Variants in RBFOX1 observed in about 807,000 individuals in gnomAD.
RBFOX1 encodes RNA binding protein fox-1 homolog 1.
A neutral mutation model predicts 57.7 loss-of-function variants in RBFOX1; 8 were observed. The ratio of observed to expected loss-of-function variants is 0.14; its 90% CI spans 0.08 to 0.25. The LOEUF (loss-of-function observed/expected upper bound fraction) is 0.25. Ranked by LOEUF, RBFOX1 falls within the 10% of genes least tolerant of loss-of-function variation. RBFOX1 has a pLI of 1.00. For missense variants in RBFOX1, 611 were observed against 548.5 expected (o/e 1.11, Z -1.14); for synonymous variants, 326 against 222.4 (o/e 1.47, Z -4.15).
intron 2 of RBFOX1, among the ~76,000 whole-genome samples, chr16:5,562,156 C>G (rs1284052607): frequency 6.6e-6 from 1 of 152,144 alleles, no homozygotes; most frequent in African/African-American, 2.4e-5. Flanking sequence ...TCTCATCATT[C>G]AGGAAAAAGA....
chr16:7,315,921 T>C (rs966042451), intron 4 of RBFOX1, among the ~76,000 whole-genome samples: 47 of 152,292 alleles, frequency 3.1e-4, no homozygotes, highest in South Asian at 6.2e-4. Context: ...CAATCTATTT[T>C]TCAAACCCCA....
intron 2 of RBFOX1, among the ~76,000 whole-genome samples, chr16:6,504,054 C>G (rs1371478978): frequency 6.6e-6 from 1 of 152,128 alleles, no homozygotes; most frequent in Non-Finnish European, 1.5e-5. Flanking sequence ...GTTTCAGCAC[C>G]ACTGATAATT....
At chr16:7,280,987 CCCT>C (rs2095532246) in intron 4 of RBFOX1, among the ~76,000 whole-genome samples, 1 of 120,380 alleles carries the variant, frequency 8.3e-6, no homozygotes, top group Admixed American at 8.5e-5. Context: ...CTCCCTCCCT[CCCT>C]CCTTCCTTCC....
intron 4 of RBFOX1, among the ~76,000 whole-genome samples, chr16:7,393,764 C>T (rs929680251): frequency 9.9e-5 from 15 of 152,204 alleles, no homozygotes; most frequent in African/African-American, 3.6e-4. Context: ...GGGGTGGTAG[C>T]CGCCTTACCC....
At chr16:7,611,323 C>T (rs929326735) in intron 10 of RBFOX1, among the ~76,000 whole-genome samples, 2 of 152,136 alleles carry the variant, frequency 1.3e-5, no homozygotes, top group African/African-American at 4.8e-5. Context: ...TGGTGGCTCA[C>T]GCCTTTAATC....
intron 1 of RBFOX1, among the ~76,000 whole-genome samples, chr16:6,168,736 G>C (rs2096936179): frequency 6.6e-6 from 1 of 152,050 alleles, no homozygotes; most frequent in Non-Finnish European, 1.5e-5. Flanking sequence ...GTTTAATATT[G>C]GAAGGAGTTG....
At chr16:7,337,891 G>A (rs903812575) in intron 4 of RBFOX1, among the ~76,000 whole-genome samples, 9 of 152,118 alleles carry the variant, frequency 5.9e-5, no homozygotes, top group Non-Finnish European at 1.2e-4. Flanking sequence ...CACCATGTTG[G>A]TTAGGCTCAT....
chr16:6,772,337 A>C (rs1452072411), intron 3 of RBFOX1, among the ~76,000 whole-genome samples: 5 of 152,140 alleles, frequency 3.3e-5, no homozygotes, highest in African/African-American at 4.8e-5. Context: ...ACAGTGAGCT[A>C]TCCAAATAAT....
At chr16:7,164,893 T>A (rs2079102497) in intron 4 of RBFOX1, among the ~76,000 whole-genome samples, 1 of 152,246 alleles carries the variant, frequency 6.6e-6, no homozygotes, top group Non-Finnish European at 1.5e-5. Context: ...GATAAGAGAA[T>A]GAATTGTTTG....
chr16:5,663,254 G>A (rs1487263601), intron 3 of RBFOX1, among the ~76,000 whole-genome samples: 6 of 151,952 alleles, frequency 3.9e-5, no homozygotes, highest in Non-Finnish European at 7.4e-5. Context: ...TCTGTCACCC[G>A]GGCTGGAGTG....
intron 4 of RBFOX1, among the ~76,000 whole-genome samples, chr16:7,356,446 G>A (rs1268796877): frequency 6.6e-6 from 1 of 152,194 alleles, no homozygotes; most frequent in Non-Finnish European, 1.5e-5. Flanking sequence ...AGAAGAAAGT[G>A]ACTGGAGAGT....
At chr16:7,226,729 C>T (rs529119122) in intron 4 of RBFOX1, among the ~76,000 whole-genome samples, 2 of 152,312 alleles carry the variant, frequency 1.3e-5, no homozygotes, top group South Asian at 2.1e-4. Flanking sequence ...TCTAAAGTCA[C>T]AGTTAATCAA....
chr16:5,751,247 T>C (rs1027016564), intron 3 of RBFOX1, among the ~76,000 whole-genome samples: 2 of 152,226 alleles, frequency 1.3e-5, no homozygotes, highest in Non-Finnish European at 2.9e-5. Flanking sequence ...TAGGTGATTA[T>C]GAAGTTTCTT....
chr16:5,819,529 A>T (rs1272693921), intron 3 of RBFOX1, among the ~76,000 whole-genome samples: 2 of 152,172 alleles, frequency 1.3e-5, no homozygotes, highest in African/African-American at 4.8e-5. Context: ...TGCTTGCAGG[A>T]AGCAGTGCAA....
intron 3 of RBFOX1, among the ~76,000 whole-genome samples, chr16:6,766,957 G>A (rs574652706): frequency 6.6e-6 from 1 of 152,250 alleles, no homozygotes; most frequent in South Asian, 2.1e-4. Flanking sequence ...CCCTTGGTAA[G>A]TCGGGGGAGG....
At chr16:6,160,901 C>T (rs2096873393) in intron 1 of RBFOX1, among the ~76,000 whole-genome samples, 1 of 152,184 alleles carries the variant, frequency 6.6e-6, no homozygotes, top group Non-Finnish European at 1.5e-5. Context: ...GCCCTCATCG[C>T]TCTCCGCACA....
chr16:6,887,795 T>A (rs2064450778), intron 3 of RBFOX1, among the ~76,000 whole-genome samples: 2 of 151,970 alleles, frequency 1.3e-5, no homozygotes, highest in Admixed American at 6.6e-5. Flanking sequence ...CCTGAGTAGC[T>A]GGGTTTACAG....
intron 3 of RBFOX1, among the ~76,000 whole-genome samples, chr16:6,939,721 G>C (rs937342599): frequency 6.6e-6 from 1 of 151,786 alleles, no homozygotes; most frequent in African/African-American, 2.4e-5. Context: ...TATGTTGGCC[G>C]GGCTGGTCTC....
Position 5,734,607 on chromosome 16 carries a change from C to T in RBFOX1, c.319-132696C>T, listed in dbSNP as rs189172781. 2.6e-5 allele frequency among the ~76,000 whole-genome samples: 4 copies of T among 152,224 alleles called. No individual in the cohort carries two copies. In the East Asian group the frequency reaches 7.7e-4, roughly 29 times the overall value. ...ATGAATTGATCATCTTGCTCAGGTC[C>T]ACTGATCTCAAAGCTAGGTTCACGA... On this transcript the variant is annotated intron_variant, in intron 3 of 19. Coordinates refer to the RBFOX1 transcript ENST00000641259.
Sources: gnomAD v4.1 joint callset for allele counts (sites outside exome capture counted in the v4.1 genomes callset) on GRCh38, gnomAD v4.1.1 for gene constraint, MANE v1.5 for transcripts, NCBI Gene and HGNC (gene_info 2026-07-23, HGNC 2026-07-21) for gene names.